Variants in XKR7 observed in about 807,000 individuals in gnomAD.
XKR7 encodes the protein XK related 7, also known as XK-related protein 7.
A neutral mutation model predicts 42.2 loss-of-function variants in XKR7; 11 were observed. The ratio of observed to expected loss-of-function variants is 0.26; its 90% CI spans 0.16 to 0.43. The LOEUF is 0.43. Among genes scored for constraint, XKR7 ranks in the 20% least tolerant of loss-of-function variants. The pLI is 1.00. For missense variants in XKR7, 710 were observed against 802.2 expected (o/e 0.89, Z 1.39); for synonymous variants, 346 against 366.4 (o/e 0.94, Z 0.64).
chr20:31,983,022 TAGTC>T (rs1416135942), intron 1 of XKR7, among the ~76,000 whole-genome samples: 2 of 152,222 alleles, frequency 1.3e-5, no homozygotes, highest in Non-Finnish European at 2.9e-5. Context: ...TGGGGCTACA[TAGTC>T]AGTAAGAGAT....
intron 1 of XKR7, among the ~76,000 whole-genome samples, chr20:31,981,674 A>G (rs2122261205): frequency 6.6e-6 from 1 of 152,376 alleles, no homozygotes; most frequent in South Asian, 2.1e-4. Context: ...CCTGGGCAAC[A>G]GAGTGAGACT....
At chr20:31,972,948 G>A (rs1427519298) in intron 1 of XKR7, among the ~76,000 whole-genome samples, 4 of 152,140 alleles carry the variant, frequency 2.6e-5, no homozygotes, top group South Asian at 2.1e-4. Context: ...TTGAGAGCAC[G>A]GACTCTAGAT....
chr20:31,971,037 T>C lies in XKR7; in HGVS notation c.584+2278T>C, dbSNP rs1403816703. On this transcript the variant is annotated intron_variant, in intron 1 of 2. Coordinates refer to ENST00000562532, the MANE Select transcript of XKR7 (RefSeq NM_001011718.2). ...GCCTGAGTTCAATTTATCCACCTTGTAATTCTGCCACTAAAGTGTCCCTCA... is the reference window on the plus strand; with the variant it reads ...GCCTGAGTTCAATTTATCCACCTTGCAATTCTGCCACTAAAGTGTCCCTCA... Among the ~76,000 whole-genome samples the C allele has an allele frequency of 3.9e-5, 6 of 152,244 alleles. No homozygotes were observed. In the South Asian group the frequency reaches 1.0e-3, roughly 26 times the overall value.
At chr20:31,975,061 G>A (rs1311937338) in intron 1 of XKR7, among the ~76,000 whole-genome samples, 1 of 152,168 alleles carries the variant, frequency 6.6e-6, no homozygotes, top group East Asian at 1.9e-4. Flanking sequence ...TGGGAGGGCG[G>A]AGGGCTGCCA....
rs1568895998 is a variant in XKR7 at position 31,999,044 on chromosome 20, A to AC, written c.*1588dup. ...AACCCAACCCACCCCCCACCCCCCC[A>AC]CACACACACTCCCACAGCAACTTAG... On this transcript the variant is annotated 3_prime_UTR_variant, in exon 3 of 3. Coordinates refer to ENST00000562532, the MANE Select transcript of XKR7 (RefSeq NM_001011718.2). 2.7e-5 allele frequency: 3 copies of AC among 109,704 alleles called. No homozygotes were observed. The highest frequency in any genetic ancestry group is 5.6e-5 in the Non-Finnish European group (3 of 53,738). 6.8% of individuals were successfully genotyped at this position (109,704 alleles called of 1,614,324 possible). A position where few individuals can be genotyped will look rare whatever the true frequency, so the allele number is the denominator to read the frequency against.
intron 1 of XKR7, among the ~76,000 whole-genome samples, chr20:31,994,479 A>G (rs1261456668): frequency 6.6e-6 from 1 of 152,194 alleles, no homozygotes; most frequent in East Asian, 1.9e-4. Flanking sequence ...CTGGGAGGCC[A>G]AAGCAGGATG....
At chr20:31,987,906 C>A (rs2064550306) in intron 1 of XKR7, among the ~76,000 whole-genome samples, 1 of 152,176 alleles carries the variant, frequency 6.6e-6, no homozygotes, top group African/African-American at 2.4e-5. Context: ...GATTTTGGAA[C>A]TGAGCCAGGG....
chr20:31,977,044 T>G (rs1192117774), intron 1 of XKR7, among the ~76,000 whole-genome samples: 1 of 152,202 alleles, frequency 6.6e-6, no homozygotes. Flanking sequence ...ATGTGCGAGC[T>G]TTCTGCAGTT....
chr20:31,989,275 ACC>A (rs375655653), intron 1 of XKR7, among the ~76,000 whole-genome samples: 1 of 111,986 alleles, frequency 8.9e-6, no homozygotes, highest in African/African-American at 3.4e-5. Flanking sequence ...GTTTTAGGAC[ACC>A]CCCCCCCCAG....
rs2064584391 is a variant in XKR7 at position 31,995,039 on chromosome 20, G to GGA, written c.585-27_585-26dup. The GGA allele has an allele frequency of 6.5e-7, 1 of 1,539,488 alleles. No individual in the cohort carries two copies. The highest frequency in any genetic ancestry group is 1.4e-5 in the African/African-American group (1 of 72,358). On this transcript the variant is annotated intron_variant, in intron 1 of 2. Coordinates refer to ENST00000562532, the MANE Select transcript of XKR7 (RefSeq NM_001011718.2). This position sits in a 1 kb window ranked among gnomAD's most constrained non-coding sequence, Gnocchi z 4.1. ...ACAGAGCGAGAGGAACCAGCGCGCG[G>GGA]GAGCCTGAGCACCGCGTCCTTCCCG...
In XKR7 at chr20:31,995,448, C is replaced by T. The variant is rs1260281198; in HGVS notation, c.787+178C>T. ...CCACCCTCCAGGCCTCTCGAGACCC[C>T]CGCGTCCCCTTCGATGGCCCACTTA... is the stretch of plus-strand genomic sequence containing the variant. On this transcript the variant is annotated intron_variant, in intron 2 of 2. Coordinates refer to ENST00000562532, the MANE Select transcript of XKR7 (RefSeq NM_001011718.2). This position sits in a 1 kb window ranked among gnomAD's most constrained non-coding sequence, Gnocchi z 4.1. Among the ~76,000 whole-genome samples the T allele has an allele frequency of 6.6e-6, 1 of 152,048 alleles. No homozygotes were observed. Among genetic ancestry groups the T allele is most frequent in the Non-Finnish European group, 1.5e-5 (1 of 67,972 alleles).
intron 1 of XKR7, among the ~76,000 whole-genome samples, chr20:31,971,120 C>T (rs961136554): frequency 6.6e-6 from 1 of 152,172 alleles, no homozygotes; most frequent in Non-Finnish European, 1.5e-5. Flanking sequence ...AAAGTCAGGG[C>T]TTCTGTTGCA....
chr20:31,979,815 A>T (rs973530385), intron 1 of XKR7, among the ~76,000 whole-genome samples: 5 of 152,134 alleles, frequency 3.3e-5, no homozygotes, highest in Admixed American at 6.5e-5. Context: ...TCAAGCAAAG[A>T]GAGAAAGGGG....
At chr20:31,994,338 G>A (rs989349205) in intron 1 of XKR7, among the ~76,000 whole-genome samples, 2 of 152,216 alleles carry the variant, frequency 1.3e-5, no homozygotes, top group African/African-American at 4.8e-5. Context: ...GGCTGGGTTT[G>A]TGTCCTGGTT....
intron 1 of XKR7, among the ~76,000 whole-genome samples, chr20:31,984,669 A>G (rs966707082): frequency 6.6e-6 from 1 of 152,208 alleles, no homozygotes; most frequent in Non-Finnish European, 1.5e-5. Flanking sequence ...CTAAACCCAT[A>G]TAATCCCAAG....
chr20:31,972,927 G>A (rs1406608721), intron 1 of XKR7, among the ~76,000 whole-genome samples: 2 of 152,184 alleles, frequency 1.3e-5, no homozygotes, highest in South Asian at 2.1e-4. Flanking sequence ...TTGGCATAAC[G>A]GTTGAGAGGG....
chr20:32,002,678 C>T lies in XKR7; in HGVS notation c.*5221C>T, dbSNP rs1380686638. 2 of 152,112 alleles carry T rather than the reference C, an allele frequency of 1.3e-5. No individual in the cohort carries two copies. Among genetic ancestry groups the T allele is most frequent in the African/African-American group, 4.8e-5 (2 of 41,402 alleles). The allele number at this position is 152,112 out of a possible 1,614,324, so 9.4% of individuals were successfully genotyped here. A position where few individuals can be genotyped will look rare whatever the true frequency, so the allele number is the denominator to read the frequency against. ...ATTTCTTGAAGAAGAATTCATTTTC[C>T]CATATTAAATTAACTCAAGCTGAGC... On this transcript the variant is annotated 3_prime_UTR_variant, in exon 3 of 3. Coordinates refer to ENST00000562532, the MANE Select transcript of XKR7 (RefSeq NM_001011718.2).
rs1294638908 is a variant in XKR7 at position 31,995,251 on chromosome 20, C to T, written c.768C>T (p.Gly256=). Residue 256 remains glycine, a synonymous_variant, in exon 2 of 3, where the codon GGC becomes GGT. Coordinates refer to ENST00000562532, the MANE Select transcript of XKR7 (RefSeq NM_001011718.2). This position sits in a 1 kb window ranked among gnomAD's most constrained non-coding sequence, Gnocchi z 4.1. The part of the protein sequence containing the change: ...LQLSLLVHRG[G]APDLLPALST... ...TCAGCCTGCTGGTGCACCGCGGTGGCGCGCCCGACCTGCTGCCGGGTGAGC... is the reference window on the plus strand; with the variant it reads ...TCAGCCTGCTGGTGCACCGCGGTGGTGCGCCCGACCTGCTGCCGGGTGAGC... The T allele has an allele frequency of 2.0e-6, 3 of 1,537,956 alleles. No individual in the cohort carries two copies. The highest frequency in any genetic ancestry group is 2.6e-6 in the Non-Finnish European group (3 of 1,145,956).
In XKR7 at chr20:31,968,310, GGGC is replaced by G; in HGVS notation, c.139_141del (p.Gly47del). 1 of 1,284,684 alleles carries G rather than the reference GGGC, an allele frequency of 7.8e-7. No homozygotes were observed. The highest frequency in any genetic ancestry group is 9.8e-7 in the Non-Finnish European group (1 of 1,017,412). 79.6% of individuals were successfully genotyped at this position (1,284,684 alleles called of 1,614,324 possible). On this transcript the variant is annotated inframe_deletion, in exon 1 of 3. Transcript: ENST00000562532. This position sits in a 1 kb window ranked among gnomAD's most constrained non-coding sequence, Gnocchi z 4.5. ...CCGGGCCCCCGGGGGTCGTCGGGGCGGGCGGCCCGGGGCCGCGCTACGAGCTGC... is the reference window on the plus strand; with the variant it reads ...CCGGGCCCCCGGGGGTCGTCGGGGCGGGCCCGGGGCCGCGCTACGAGCTGC...
Sources: gnomAD v4.1 joint callset for allele counts (sites outside exome capture counted in the v4.1 genomes callset) on GRCh38, gnomAD v4.1.1 for gene constraint, Gnocchi (gnomAD v3.1) non-coding constraint, MANE v1.5 for transcripts, NCBI Gene and HGNC (gene_info 2026-07-23, HGNC 2026-07-21) for gene names.